Variants in LAMA4 observed in about 807,000 individuals in gnomAD.
LAMA4 encodes laminin subunit alpha-4.
LAMA4 carries 127 observed loss-of-function variants against 207.1 expected under a neutral mutation model. The ratio of observed to expected loss-of-function variants is 0.61; its 90% CI spans 0.53 to 0.71. LAMA4 has a LOEUF of 0.71. LAMA4 is among the 30% of genes least tolerant of loss of function. The pLI is 0.00. For missense variants in LAMA4, 2,093 were observed against 2,246.5 expected, an observed-to-expected ratio of 0.93 and a Z score of 1.38; for synonymous variants, 761 against 816.0, an observed-to-expected ratio of 0.93 and a Z score of 1.15.
At chr6:112,190,872 T>TTTCC (rs1554348364) in intron 6 of LAMA4, among the ~76,000 whole-genome samples, 3 of 35,986 alleles carry the variant, frequency 8.3e-5, no homozygotes, top group African/African-American at 2.0e-4. Flanking sequence ...AAGGTTTCTT[T>TTTCC]TTCTTTCTTT....
intron 2 of LAMA4, among the ~76,000 whole-genome samples, chr6:112,252,858 A>T (rs1787557236): frequency 6.6e-6 from 1 of 152,128 alleles, no homozygotes; most frequent in Non-Finnish European, 1.5e-5. Context: ...GCTACATTTT[A>T]TACCACAGTG....
intron 38 of LAMA4, among the ~76,000 whole-genome samples, chr6:112,112,355 A>C (rs903368207): frequency 3.3e-5 from 5 of 152,212 alleles, no homozygotes; most frequent in African/African-American, 4.8e-5. Flanking sequence ...TTGAACATTT[A>C]GGAACTGCAA....
At chr6:112,185,607 G>A (rs781941691) in intron 8 of LAMA4, among the ~76,000 whole-genome samples, 11 of 152,278 alleles carry the variant, frequency 7.2e-5, no homozygotes, top group Middle Eastern at 3.4e-3. Flanking sequence ...CATGGGGAAA[G>A]GGCTCCTTTT....
At position 112,134,593 on chromosome 6, in the gene LAMA4, T is replaced by C. The variant is rs1554330922; in HGVS notation, c.3431A>G (p.His1144Arg). ...AKYHEISIIY[H>R]NDKKMILVVD... ...TACCAAGATCATTTTCTTATCATTG[T>C]GGTAAATGATTGAGATCTGGGAGAG... Residue 1144 changes from histidine to arginine, a missense_variant, in exon 26 of 39, where the codon CAC becomes CGC. By Grantham distance (29) the His-to-Arg change is conservative (BLOSUM62 0). Coordinates refer to ENST00000230538, the MANE Select transcript of LAMA4 (RefSeq NM_001105206.3). The C allele has an allele frequency of 3.1e-6, 5 of 1,608,396 alleles. No homozygotes were observed. The highest frequency in any genetic ancestry group is 1.3e-5 in the African/African-American group (1 of 74,802).
At chr6:112,166,130 C>T (rs1554339854) in intron 12 of LAMA4, 2 of 152,026 alleles carry the variant, frequency 1.3e-5, no homozygotes, top group Non-Finnish European at 2.9e-5. Context: ...ATTATAGAAG[C>T]CTAGATAGAG....
intron 18 of LAMA4, among the ~76,000 whole-genome samples, chr6:112,145,162 C>T (rs1779945265): frequency 6.6e-6 from 1 of 152,178 alleles, no homozygotes; most frequent in African/African-American, 2.4e-5. Context: ...GGCACAGGTG[C>T]ATACTCCATT....
chr6:112,198,343 A>G (rs1297532309), intron 5 of LAMA4, among the ~76,000 whole-genome samples: 6 of 152,184 alleles, frequency 3.9e-5, no homozygotes, highest in African/African-American at 1.4e-4. Context: ...ACTAATTATT[A>G]CCTTTGTTTA....
Position 112,115,935 on chromosome 6 carries a change from G to T in LAMA4, c.5040C>A (p.Ser1680Arg). ...GGCCGTGGACCAGGGTTCCGGAACTGCTTCTGGGACGGACTTCAAATGCAA... is the reference window on the plus strand; with the variant it reads ...GGCCGTGGACCAGGGTTCCGGAACTTCTTCTGGGACGGACTTCAAATGCAA... ...FEIAFEVRPR[S>R]SSGTLVHGHS... Residue 1680 changes from serine (S) to arginine (R), a missense_variant, in exon 36 of 39, where the codon AGC (serine) becomes AGA (arginine). Physicochemically the swap from Ser to Arg is moderately radical, Grantham distance 110. Coordinates refer to ENST00000230538, the MANE Select transcript of LAMA4 (RefSeq NM_001105206.3). 1.2e-6 allele frequency: 2 copies of T among 1,613,300 alleles called. No individual in the cohort carries two copies. The highest frequency in any genetic ancestry group is 1.7e-6 in the Non-Finnish European group (2 of 1,179,350).
At chr6:112,211,005 G>GTAAA in intron 3 of LAMA4, among the ~76,000 whole-genome samples, 1 of 152,174 alleles carries the variant, frequency 6.6e-6, no homozygotes, top group Non-Finnish European at 1.5e-5. Context: ...CCTTAACAGT[G>GTAAA]TAAAGGTTTA....
rs1408447766 is a variant in LAMA4 at position 112,114,062 on chromosome 6, T to C, written c.5326+14A>G. The C allele has an allele frequency of 3.7e-6, 6 of 1,613,652 alleles. No homozygotes were observed. Among genetic ancestry groups the C allele is most frequent in the Non-Finnish European group, 5.1e-6 (6 of 1,179,722 alleles). On this transcript the variant is annotated intron_variant, in intron 38 of 38. Coordinates refer to ENST00000230538, the MANE Select transcript of LAMA4 (RefSeq NM_001105206.3). ...TTTTGGATTGGGAACTTTTCCTTTT[T>C]AAACAACACTTACCTGGAACACCTC...
At chr6:112,121,237 T>A (rs1212625178) in intron 32 of LAMA4, among the ~76,000 whole-genome samples, 1 of 152,178 alleles carries the variant, frequency 6.6e-6, no homozygotes, top group Non-Finnish European at 1.5e-5. Context: ...GGATACCACA[T>A]GTAAAAAGCA....
intron 4 of LAMA4, among the ~76,000 whole-genome samples, chr6:112,205,907 C>T (rs1554354028): frequency 6.6e-6 from 1 of 152,172 alleles, no homozygotes; most frequent in African/African-American, 2.4e-5. Context: ...ATAAAAACTC[C>T]TGAGCAACAA....
intron 10 of LAMA4, among the ~76,000 whole-genome samples, chr6:112,176,846 T>A (rs547373687): frequency 1.3e-5 from 2 of 152,368 alleles, no homozygotes; most frequent in South Asian, 2.1e-4. Flanking sequence ...TTAGAAGTTA[T>A]TGTTTCCCAT....
chr6:112,192,350 G>C (rs1554349400), intron 5 of LAMA4, among the ~76,000 whole-genome samples: 1 of 152,262 alleles, frequency 6.6e-6, no homozygotes, highest in African/African-American at 2.4e-5. Flanking sequence ...TGACTCAGGA[G>C]TGTAGCTTGG....
chr6:112,220,412 C>G (rs1439560138), intron 2 of LAMA4, among the ~76,000 whole-genome samples: 1 of 152,070 alleles, frequency 6.6e-6, no homozygotes, highest in Non-Finnish European at 1.5e-5. Context: ...TGTATGTGTA[C>G]TTGCCTAATT....
Position 112,109,389 on chromosome 6 carries a change from T to C in LAMA4, c.*48A>G. 6.2e-7 allele frequency: 1 copy of C among 1,610,642 alleles called. No homozygotes were observed. The highest frequency in any genetic ancestry group is 8.5e-7 in the Non-Finnish European group (1 of 1,178,438). On this transcript the variant is annotated 3_prime_UTR_variant, in exon 39 of 39. Transcript: ENST00000230538. ...TCCTCCTGGCTGGCTTTGTGTTTCT[T>C]TCAGTGCTCTAAAGAACTTTGTATT...
chr6:112,144,887 A>G lies in LAMA4; in HGVS notation c.2400T>C (p.Arg800=), dbSNP rs1779927012. 6.2e-7 allele frequency: 1 copy of G among 1,613,936 alleles called. No homozygotes were observed. Among genetic ancestry groups the G allele is most frequent in the African/African-American group, 1.3e-5 (1 of 74,940 alleles). Residue 800 remains arginine (R), a synonymous_variant, in exon 19 of 39, where the codon CGT becomes CGC. Transcript: ENST00000230538. ...EVVPQLLDQL[R]TVEQKRPASN... ...TTGCAGGTCGCTTCTGCTCAACCGT[A>G]CGAAGCTGATCCAGGAGCTGAGGGA...
intron 8 of LAMA4, 161 bp downstream of exon 8, chr6:112,187,289 T>A (rs2114939419): frequency 1.2e-6 from 1 of 836,646 alleles, no homozygotes; most frequent in Middle Eastern, 2.2e-4. Flanking sequence ...TTTCATAATT[T>A]CCTATGAAAT....
intron 2 of LAMA4, among the ~76,000 whole-genome samples, chr6:112,235,536 T>C (rs1339438727): frequency 1.3e-5 from 2 of 152,198 alleles, no homozygotes; most frequent in Non-Finnish European, 2.9e-5. Context: ...TTTTGGTACA[T>C]GATAGGGAAG....
Sources: allele counts gnomAD v4.1 joint callset (sites outside exome capture counted in the v4.1 genomes callset), GRCh38; gene constraint gnomAD v4.1.1; transcripts MANE v1.5; gene names NCBI Gene and HGNC (gene_info 2026-07-23, HGNC 2026-07-21).